Variants in KANSL1 observed in about 807,000 individuals in gnomAD.
KANSL1 encodes KAT8 regulatory NSL complex subunit 1.
A neutral mutation model predicts 103.6 loss-of-function variants in KANSL1; 22 were observed. That is an observed-to-expected ratio of 0.21 (90% CI 0.15 to 0.30). The LOEUF (loss-of-function observed/expected upper bound fraction) is 0.30. KANSL1 is among the 10% of genes least tolerant of loss of function. The pLI, the probability that KANSL1 is intolerant of heterozygous loss-of-function variation, is 1.00. For synonymous variants in KANSL1, 600 were observed against 527.6 expected, an observed-to-expected ratio of 1.14 and a Z score of -1.88; for missense variants, 1,337 against 1,399.8, an observed-to-expected ratio of 0.96 and a Z score of 0.72.
intron 1 of KANSL1, among the ~76,000 whole-genome samples, chr17:46,201,277 C>T (rs537447094): frequency 1.3e-5 from 2 of 152,326 alleles, no homozygotes; most frequent in African/African-American, 2.4e-5. Context: ...CACTCAGGAA[C>T]ATACAGCTAC....
intron 1 of KANSL1, among the ~76,000 whole-genome samples, chr17:46,175,338 G>C (rs905141422): frequency 4.0e-5 from 6 of 151,422 alleles, no homozygotes; most frequent in African/African-American, 1.5e-4. Flanking sequence ...GTGTGTGTGT[G>C]TGTGTGTGTG....
chr17:46,049,685 T>C (rs913678807), intron 7 of KANSL1: 4 of 152,002 alleles, frequency 2.6e-5, no homozygotes, highest in African/African-American at 9.7e-5. Flanking sequence ...TGCTCTTCTT[T>C]TGTCAAGTGG....
intron 2 of KANSL1, among the ~76,000 whole-genome samples, chr17:46,138,878 A>G (rs1358552802): frequency 6.6e-6 from 1 of 152,238 alleles, no homozygotes; most frequent in Non-Finnish European, 1.5e-5. Context: ...AGTAACATAC[A>G]TACAGGACAC....
chr17:46,131,451 C>T (rs1341294123), intron 2 of KANSL1, among the ~76,000 whole-genome samples: 3 of 152,218 alleles, frequency 2.0e-5, no homozygotes, highest in African/African-American at 7.2e-5. Flanking sequence ...GCAAAAGCTG[C>T]AAACTGGTAA....
chr17:46,205,620 G>T (rs2047940102), intron 1 of KANSL1, among the ~76,000 whole-genome samples: 1 of 148,318 alleles, frequency 6.7e-6, no homozygotes, highest in Non-Finnish European at 1.5e-5. Flanking sequence ...GGCGGAGGTT[G>T]CAATGAGCCG....
chr17:46,156,620 G>A (rs1167473641), intron 2 of KANSL1, among the ~76,000 whole-genome samples: 1 of 152,190 alleles, frequency 6.6e-6, no homozygotes, highest in Non-Finnish European at 1.5e-5. Flanking sequence ...ATACTAAAAC[G>A]AAACAGAGAC....
At chr17:46,191,177 C>T (rs1000146089) in intron 1 of KANSL1, among the ~76,000 whole-genome samples, 1 of 152,022 alleles carries the variant, frequency 6.6e-6, no homozygotes, top group Non-Finnish European at 1.5e-5. Context: ...TATAAAGAAA[C>T]AGATAAAGGA....
intron 2 of KANSL1, among the ~76,000 whole-genome samples, chr17:46,139,491 T>C (rs1164985566): frequency 1.1e-4 from 16 of 152,204 alleles, no homozygotes; most frequent in Admixed American, 1.0e-3. Flanking sequence ...CATCTAAATG[T>C]GCACATGTGT....
At chr17:46,089,591 C>A (rs994436704) in intron 3 of KANSL1, among the ~76,000 whole-genome samples, 23 of 150,102 alleles carry the variant, frequency 1.5e-4, no homozygotes, top group African/African-American at 5.1e-4. Context: ...ACCTGTGCAA[C>A]CCAGGAAGTG....
intron 2 of KANSL1, among the ~76,000 whole-genome samples, chr17:46,127,050 C>A (rs1251883676): frequency 6.6e-6 from 1 of 152,170 alleles, no homozygotes; most frequent in African/African-American, 2.4e-5. Flanking sequence ...TGGGTCTAAT[C>A]CAAGGTCAGA....
intron 2 of KANSL1, among the ~76,000 whole-genome samples, chr17:46,102,951 C>T (rs565956956): frequency 3.9e-5 from 6 of 152,234 alleles, no homozygotes; most frequent in Admixed American, 6.5e-5. Flanking sequence ...AACAGACCTC[C>T]AAAGCATAAA....
chr17:46,055,201 C>T (rs910036227), intron 6 of KANSL1, among the ~76,000 whole-genome samples: 4 of 151,666 alleles, frequency 2.6e-5, no homozygotes, highest in African/African-American at 7.3e-5. Flanking sequence ...CGGTGGCTCA[C>T]GCCTGTATTC....
intron 2 of KANSL1, among the ~76,000 whole-genome samples, chr17:46,131,228 T>G (rs570226800): frequency 6.6e-6 from 1 of 152,122 alleles, no homozygotes; most frequent in South Asian, 2.1e-4. Context: ...ATAAAAATGG[T>G]TGTTCAAATC....
intron 11 of KANSL1, 87 bp from the exon 12 acceptor site, chr17:46,033,547 C>G: frequency 9.2e-7 from 1 of 1,086,364 alleles, no homozygotes; most frequent in Non-Finnish European, 1.4e-6. Flanking sequence ...GGATGAGAAT[C>G]CTGCACCTGT....
chr17:46,205,752 T>C (rs2047946781), intron 1 of KANSL1, among the ~76,000 whole-genome samples: 1 of 147,772 alleles, frequency 6.8e-6, no homozygotes, highest in African/African-American at 2.5e-5. Flanking sequence ...CTGAGATATA[T>C]AAAAATTACA....
chr17:46,120,245 G>A (rs1480474719), intron 2 of KANSL1, among the ~76,000 whole-genome samples: 1 of 152,154 alleles, frequency 6.6e-6, no homozygotes, highest in Non-Finnish European at 1.5e-5. Flanking sequence ...TATCAACATA[G>A]ACAAAATCTG....
At chr17:46,049,112 T>C (rs78773690) in intron 7 of KANSL1, among the ~76,000 whole-genome samples, 34,431 of 151,860 alleles carry the variant, frequency 0.23, 4,415 homozygotes, top group African/African-American at 0.32. Context: ...TTGATAGGAG[T>C]TCCTGAGTTA....
chr17:46,062,118 C>CAAAAAA (rs66529773), intron 6 of KANSL1, among the ~76,000 whole-genome samples: 31 of 108,752 alleles, frequency 2.9e-4, no homozygotes, highest in East Asian at 1.6e-3. Context: ...AACAAACAAA[C>CAAAAAA]AAAAAAAAAA....
At chr17:46,126,314 C>A (rs1240898826) in intron 2 of KANSL1, among the ~76,000 whole-genome samples, 1 of 152,074 alleles carries the variant, frequency 6.6e-6, no homozygotes, top group African/African-American at 2.4e-5. Flanking sequence ...TGGTGATGGG[C>A]GCCTGTAATC....
Sources: gnomAD v4.1 joint callset for allele counts (sites outside exome capture counted in the v4.1 genomes callset) on GRCh38, gnomAD v4.1.1 for gene constraint, MANE v1.5 for transcripts, NCBI Gene and HGNC (gene_info 2026-07-23, HGNC 2026-07-21) for gene names.